Variants in FUS observed in about 807,000 individuals in gnomAD.
FUS encodes the protein RNA-binding protein FUS.
FUS carries 5 observed loss-of-function variants against 82.7 expected under a neutral mutation model. That is an observed-to-expected ratio of 0.06 (90% CI 0.03 to 0.13). FUS has a LOEUF of 0.13. Ranked by LOEUF, FUS falls within the 10% of genes least tolerant of loss-of-function variation. The pLI is 1.00. For synonymous variants in FUS, 281 were observed against 247.4 expected (o/e 1.14, Z -1.27); for missense variants, 512 against 707.8 (o/e 0.72, Z 3.14).
intron 3 of FUS, chr16:31,183,583 A>G: frequency 2.1e-6 from 1 of 475,778 alleles, no homozygotes; most frequent in Middle Eastern, 6.2e-4. Flanking sequence ...TGCTGTTAAC[A>G]GGGATCCTTG....
intron 10 of FUS, 104 bp downstream of exon 10, chr16:31,189,898 C>T (rs1334629507): frequency 1.9e-6 from 3 of 1,598,296 alleles, no homozygotes; most frequent in East Asian, 2.2e-5. Context: ...CCAACACTTA[C>T]TTTAGCTGCG....
downstream of FUS, chr16:31,194,864 A>G (rs1468263663): frequency 2.1e-6 from 1 of 473,940 alleles, no homozygotes; most frequent in East Asian, 5.3e-5. Flanking sequence ...TCAGTCATTC[A>G]GTAAGAATAG....
chr16:31,192,935 A>C (rs2079380226), downstream of FUS: 1 of 484,812 alleles, frequency 2.1e-6, no homozygotes, highest in African/African-American at 2.0e-5. Flanking sequence ...TGCATCCTTG[A>C]ATCTTGGGTG....
rs1596901083 is a variant in FUS, at chr16:31,186,392, T to C, written c.765-410T>C. ...GCTTTCAAAGCAAAAACCACAAAAA[T>C]GTGTTCAAGGCTACCCCAGCCTGGT... On this transcript the variant is annotated intron_variant, in intron 6 of 14. Coordinates refer to ENST00000254108, the MANE Select transcript of FUS (RefSeq NM_004960.4). 1.7e-5 allele frequency: 6 copies of C among 347,938 alleles called. No homozygotes were observed. In the East Asian group the frequency reaches 2.3e-4, roughly 13 times the overall value. The allele number at this position is 347,938 out of a possible 1,614,324, so 21.6% of individuals were successfully genotyped here.
intron 1 of FUS, among the ~76,000 whole-genome samples, chr16:31,181,052 A>T (rs1484967655): frequency 1.3e-5 from 2 of 152,026 alleles, no homozygotes; most frequent in Non-Finnish European, 2.9e-5. Flanking sequence ...AGTTGGGATT[A>T]TAGGCGCCCG....
chr16:31,186,143 T>TA (rs1567473546), intron 6 of FUS: 3 of 240,460 alleles, frequency 1.2e-5, no homozygotes, highest in Admixed American at 1.0e-4. Flanking sequence ...AAACAACTGT[T>TA]ATGTGACTGT....
Position 31,187,345 on chromosome 16 carries a change from A to G in FUS, c.799+509A>G, listed in dbSNP as rs992094366. On this transcript the variant is annotated intron_variant, in intron 7 of 14. Coordinates refer to ENST00000254108, the MANE Select transcript of FUS (RefSeq NM_004960.4). Reference sequence around the variant, plus strand: ...GAATGGTGTCAATGAATGCAATTCTATGTATATGGACTTAACTGAGATGGG... The same window carrying G: ...GAATGGTGTCAATGAATGCAATTCTGTGTATATGGACTTAACTGAGATGGG... 4.7e-5 allele frequency: 12 copies of G among 254,078 alleles called. No homozygotes were observed. In the South Asian group the frequency reaches 7.7e-4, roughly 16 times the overall value. 15.7% of individuals were successfully genotyped at this position (254,078 alleles called of 1,614,324 possible).
intron 5 of FUS, among the ~76,000 whole-genome samples, chr16:31,184,718 C>G (rs1190447707): frequency 6.6e-6 from 1 of 151,796 alleles, no homozygotes; most frequent in Non-Finnish European, 1.5e-5. Flanking sequence ...GCTGGGATTA[C>G]AGGCGTGAGC....
chr16:31,181,444 C>G (rs2079176449), intron 1 of FUS, among the ~76,000 whole-genome samples: 1 of 152,152 alleles, frequency 6.6e-6, no homozygotes. Flanking sequence ...CATCTGGAGT[C>G]CCAGGGCTGG....
At chr16:31,193,803 ATT>A, downstream of FUS, 2 of 492,894 alleles carry the variant, frequency 4.1e-6, no homozygotes, top group East Asian at 4.2e-5. Context: ...CACCTGGGTA[ATT>A]TTTTTTTTAA....
intron 1 of FUS, among the ~76,000 whole-genome samples, chr16:31,180,643 C>T (rs1046597489): frequency 3.3e-5 from 5 of 152,206 alleles, no homozygotes; most frequent in African/African-American, 1.2e-4. Context: ...CCCTTCGCGG[C>T]GCGGGTACCC....
chr16:31,186,777 C>G, intron 6 of FUS, 25 bp from the exon 7 acceptor site: 2 of 1,612,974 alleles, frequency 1.2e-6, no homozygotes, highest in Non-Finnish European at 1.7e-6. Flanking sequence ...GCTTCATGTC[C>G]TTTCTTCTAA....
chr16:31,184,891 T>TA, intron 5 of FUS, 48 bp from the exon 6 acceptor site: 1 of 1,596,380 alleles, frequency 6.3e-7, no homozygotes, highest in East Asian at 2.2e-5. Flanking sequence ...AGTGCTACTT[T>TA]ACAATCTTTT....
chr16:31,185,637 C>T (rs773347580), intron 6 of FUS: 44 of 485,444 alleles, frequency 9.1e-5, no homozygotes, highest in African/African-American at 2.3e-4. Flanking sequence ...CTACTCTTCC[C>T]GTTTTCTATA....
At chr16:31,192,909 T>C (rs1350615636), downstream of FUS, 1 of 486,682 alleles carries the variant, frequency 2.1e-6, no homozygotes, top group Non-Finnish European at 4.1e-6. Flanking sequence ...AAGTATGTTC[T>C]CTACTGAAGA....
chr16:31,189,244 T>TG lies in FUS; in HGVS notation c.936+21dup, dbSNP rs764726122. 1.3e-4 allele frequency: 193 copies of TG among 1,538,402 alleles called. No individual in the cohort carries two copies. Among genetic ancestry groups the TG allele is most frequent in the Admixed American group, 8.3e-4 (50 of 59,890 alleles). The stretch of plus-strand genomic sequence containing the variant: ...TTATTAAGGTACTTGTGGAGAGGAG[T>TG]GGGAGCTTTCTGTCAGTGTTGTAGG... On this transcript the variant is annotated intron_variant, in intron 9 of 14. Transcript: ENST00000254108.
At chr16:31,190,546 G>T in intron 12 of FUS, 148 bp downstream of exon 12, 1 of 1,301,170 alleles carries the variant, frequency 7.7e-7, no homozygotes, top group Non-Finnish European at 1.1e-6. Context: ...CCTAGGTAAG[G>T]TTGATGTAAT....
At chr16:31,193,726 C>G (rs1418881668), downstream of FUS, 1 of 531,726 alleles carries the variant, frequency 1.9e-6, no homozygotes, top group Admixed American at 2.2e-5. Context: ...AACATTGGTG[C>G]CTCTCAAGCC....
chr16:31,183,221 T>G (rs930122757), intron 3 of FUS: 35 of 178,228 alleles, frequency 2.0e-4, no homozygotes, highest in Admixed American at 6.5e-4. Flanking sequence ...TGATGGTGCC[T>G]GTGAACAGCC....
Sources: gnomAD v4.1 joint callset for allele counts (sites outside exome capture counted in the v4.1 genomes callset) on GRCh38, gnomAD v4.1.1 for gene constraint, MANE v1.5 for transcripts, NCBI Gene and HGNC (gene_info 2026-07-23, HGNC 2026-07-21) for gene names.